Variants in PEAK1 observed in about 807,000 individuals in gnomAD.
PEAK1 encodes inactive tyrosine-protein kinase PEAK1.
A neutral mutation model predicts 124.7 loss-of-function variants in PEAK1; 54 were observed. That is an observed-to-expected ratio of 0.43 (90% confidence interval 0.35 to 0.54). PEAK1 has a LOEUF of 0.54. PEAK1 is among the 20% of genes least tolerant of loss of function. PEAK1 has a pLI of 0.01. For synonymous variants in PEAK1, 719 were observed against 760.0 expected, an observed-to-expected ratio of 0.95 and a Z score of 0.89; for missense variants, 2,046 against 2,134.5, an observed-to-expected ratio of 0.96 and a Z score of 0.82.
At position 77,180,058 on chromosome 15, in the gene PEAK1, A is replaced by G; in HGVS notation, c.1869T>C (p.Ala623=). 1 of 1,614,040 alleles carries G rather than the reference A, an allele frequency of 6.2e-7. No individual in the cohort carries two copies. Among genetic ancestry groups the G allele is most frequent in the African/African-American group, 1.3e-5 (1 of 75,048 alleles). The change falls in exon 7 of 10, where the codon GCT becomes GCC. Residue 623 remains alanine (A), a synonymous_variant. Coordinates refer to ENST00000682557, the MANE Select transcript of PEAK1 (RefSeq NM_001385026.1). ...EPTYARSSKN[A]IKVPIVINPN... ...GATTGATAACAATGGGAACTTTGATAGCATTTTTGGAACTCCGAGCATAAG... is the reference window on the plus strand; with the variant it reads ...GATTGATAACAATGGGAACTTTGATGGCATTTTTGGAACTCCGAGCATAAG...
chr15:77,410,763 G>T (rs1168757319), intron 1 of PEAK1, among the ~76,000 whole-genome samples: 1 of 152,080 alleles, frequency 6.6e-6, no homozygotes, highest in Non-Finnish European at 1.5e-5. Context: ...ACAACACACT[G>T]GTCCATAAAC....
chr15:77,253,975 TA>T (rs1466275637), intron 5 of PEAK1, among the ~76,000 whole-genome samples: 1 of 152,012 alleles, frequency 6.6e-6, no homozygotes, highest in Non-Finnish European at 1.5e-5. Flanking sequence ...CCTGCCACCA[TA>T]ACTTGGCTAA....
chr15:77,149,523 C>T (rs993716894), intron 8 of PEAK1, among the ~76,000 whole-genome samples: 8 of 152,104 alleles, frequency 5.3e-5, no homozygotes, highest in South Asian at 4.1e-4. Context: ...AAACTGCATG[C>T]AAATGACTTG....
intron 2 of PEAK1, among the ~76,000 whole-genome samples, chr15:77,363,208 C>A (rs533369691): frequency 8.9e-4 from 135 of 152,288 alleles, no homozygotes; most frequent in Non-Finnish European, 1.8e-3. Context: ...GCAGGCTTCA[C>A]AGGAGAAAAC....
intron 8 of PEAK1, chr15:77,155,960 G>C (rs1048791920): frequency 5.2e-5 from 8 of 152,926 alleles, no homozygotes; most frequent in African/African-American, 1.4e-4. Context: ...GGACCCACTT[G>C]AGGAGGCAGT....
chr15:77,156,278 C>G (rs1183211526), intron 8 of PEAK1: 1 of 153,740 alleles, frequency 6.5e-6, no homozygotes, highest in East Asian at 1.9e-4. Flanking sequence ...AGTGAGACTC[C>G]GTGAGCATAG....
At chr15:77,345,480 A>G (rs188880413) in intron 2 of PEAK1, among the ~76,000 whole-genome samples, 77 of 152,340 alleles carry the variant, frequency 5.1e-4, no homozygotes, top group African/African-American at 1.8e-3. Context: ...TTGAAAAGAT[A>G]AAAAGGAGAT....
chr15:77,313,640 A>ATGTGTGTG (rs1298114830), intron 2 of PEAK1, among the ~76,000 whole-genome samples: 4 of 78,516 alleles, frequency 5.1e-5, no homozygotes, highest in Non-Finnish European at 8.0e-5. Flanking sequence ...TAATGTATGT[A>ATGTGTGTG]TGTATGTATG....
At chr15:77,126,370 T>C (rs1380403977) in intron 9 of PEAK1, among the ~76,000 whole-genome samples, 1 of 152,202 alleles carries the variant, frequency 6.6e-6, no homozygotes, top group Non-Finnish European at 1.5e-5. Flanking sequence ...TTTCCAATTT[T>C]TGGAAATACT....
intron 2 of PEAK1, among the ~76,000 whole-genome samples, chr15:77,313,134 G>C (rs2064583460): frequency 6.6e-6 from 1 of 152,084 alleles, no homozygotes; most frequent in Non-Finnish European, 1.5e-5. Flanking sequence ...AGATAAACCT[G>C]GGGCATTTTG....
intron 2 of PEAK1, among the ~76,000 whole-genome samples, chr15:77,327,264 T>C (rs1318144269): frequency 6.6e-6 from 1 of 152,128 alleles, no homozygotes; most frequent in African/African-American, 2.4e-5. Context: ...AATATTTGGA[T>C]GTTAGGTTGA....
intron 2 of PEAK1, chr15:77,349,694 C>T (rs541729922): frequency 1.9e-5 from 19 of 984,886 alleles, no homozygotes; most frequent in African/African-American, 5.2e-5. Context: ...CCTTTCTTCA[C>T]GTAGGATTTT....
chr15:77,198,624 T>C (rs1025853083), intron 6 of PEAK1, among the ~76,000 whole-genome samples: 10 of 152,226 alleles, frequency 6.6e-5, no homozygotes, highest in African/African-American at 2.4e-4. Flanking sequence ...TACCTTTTTG[T>C]ATCATATTGA....
At chr15:77,191,046 A>C (rs2057807554) in intron 6 of PEAK1, among the ~76,000 whole-genome samples, 1 of 152,238 alleles carries the variant, frequency 6.6e-6, no homozygotes, top group Non-Finnish European at 1.5e-5. Context: ...AATTATAATA[A>C]TGTACGTCAA....
intron 6 of PEAK1, among the ~76,000 whole-genome samples, chr15:77,231,672 C>G (rs1405358035): frequency 6.6e-6 from 1 of 152,044 alleles, no homozygotes. Context: ...AATATAGATT[C>G]AAACCTCCAG....
chr15:77,401,673 G>T lies in PEAK1; in HGVS notation c.-666+18333C>A, dbSNP rs796139398. The stretch of plus-strand genomic sequence containing the variant: ...AACTTCAATGGACATTGCCACGAAA[G>T]AACTCAAAATTAACACAGAGCATAA... On this transcript the variant is annotated intron_variant, in intron 1 of 9. Coordinates refer to ENST00000682557, the MANE Select transcript of PEAK1 (RefSeq NM_001385026.1). 66 of 984,964 alleles carry T rather than the reference G, an allele frequency of 6.7e-5. No individual in the cohort carries two copies. In the African/African-American group the frequency reaches 8.2e-4, roughly 12 times the overall value. 61.0% of individuals were successfully genotyped at this position (984,964 alleles called of 1,614,324 possible).
At chr15:77,409,964 G>A (rs1238931402) in intron 1 of PEAK1, among the ~76,000 whole-genome samples, 2 of 152,162 alleles carry the variant, frequency 1.3e-5, no homozygotes, top group East Asian at 1.9e-4. Context: ...TCCAGGCAGT[G>A]TGACTTCTGA....
intron 3 of PEAK1, among the ~76,000 whole-genome samples, chr15:77,286,028 G>A (rs1301964466): frequency 1.3e-5 from 2 of 152,186 alleles, no homozygotes. Context: ...TGCTTTAAAT[G>A]TGTCCCAGAG....
At chr15:77,394,500 T>G (rs756214144) in intron 1 of PEAK1, among the ~76,000 whole-genome samples, 4 of 152,184 alleles carry the variant, frequency 2.6e-5, no homozygotes, top group East Asian at 1.9e-4. Context: ...ACCCAGAGAC[T>G]TCTTCTGGAT....
Sources: gnomAD v4.1 joint callset for allele counts (sites outside exome capture counted in the v4.1 genomes callset) on GRCh38, gnomAD v4.1.1 for gene constraint, MANE v1.5 for transcripts, NCBI Gene and HGNC (gene_info 2026-07-23, HGNC 2026-07-21) for gene names.